The following EYS variants were observed in gnomAD, a reference collection of about 807,000 sequenced individuals.
EYS encodes the protein protein eyes shut homolog.
Under a neutral mutation model 282.1 loss-of-function variants are expected in EYS, and 250 were observed. That is an observed-to-expected ratio of 0.89 (90% CI 0.80 to 0.98). EYS has a LOEUF of 0.98. Ranked by LOEUF, EYS falls within the 50% of genes least tolerant of loss-of-function variation. EYS has a pLI of 0.00. For synonymous variants in EYS, 1,355 were observed against 1,282.9 expected (o/e 1.06, Z -1.20); for missense variants, 4,016 against 3,709.0 (o/e 1.08, Z -2.15).
At chr6:65,214,154 G>A (rs1766250315) in intron 12 of EYS, among the ~76,000 whole-genome samples, 1 of 69,514 alleles carries the variant, frequency 1.4e-5, no homozygotes, top group Non-Finnish European at 2.4e-5. Context: ...GCAAGACTCC[G>A]TCTCAAAAAA....
intron 33 of EYS, among the ~76,000 whole-genome samples, chr6:64,012,679 G>T (rs1320732234): frequency 1.3e-5 from 2 of 152,132 alleles, no homozygotes; most frequent in Admixed American, 1.3e-4. Flanking sequence ...TTAAGGAAAT[G>T]CTGTTTCCTA....
chr6:65,057,640 A>C lies in EYS; in HGVS notation c.2111T>G (p.Phe704Cys). ...TTTAAATGGAGGCACACACTGGCAGAAGTAATTACCAGGTTGGTCAATGCA... is the reference window on the plus strand; with the variant it reads ...TTTAAATGGAGGCACACACTGGCAGCAGTAATTACCAGGTTGGTCAATGCA... ...ATCIDQPGNY[F>C]CQCVPPFKVV... Residue 704 changes from phenylalanine (F) to cysteine (C), a missense_variant, in exon 13 of 43, where the codon TTC (phenylalanine) becomes TGC (cysteine). Physicochemically the swap from Phe to Cys is radical, Grantham distance 205. Transcript: ENST00000503581. 1 of 1,550,018 alleles carries C rather than the reference A, an allele frequency of 6.5e-7. No homozygotes were observed. Among genetic ancestry groups the C allele is most frequent in the Non-Finnish European group, 8.7e-7 (1 of 1,145,626 alleles).
At chr6:64,987,259 A>G (rs1001535096) in intron 14 of EYS, among the ~76,000 whole-genome samples, 1 of 151,486 alleles carries the variant, frequency 6.6e-6, no homozygotes, top group Admixed American at 6.6e-5. Context: ...CCATGCAGAT[A>G]AGCATTGGCT....
chr6:63,832,742 A>C (rs769676337), intron 36 of EYS, among the ~76,000 whole-genome samples: 6 of 152,184 alleles, frequency 3.9e-5, no homozygotes, highest in Non-Finnish European at 7.3e-5. Context: ...CTCATACCAA[A>C]GCCTGGCCGA....
intron 26 of EYS, among the ~76,000 whole-genome samples, chr6:64,465,499 A>AAGAATGAT (rs1775887496): frequency 6.6e-6 from 1 of 152,246 alleles, no homozygotes; most frequent in South Asian, 2.1e-4. Flanking sequence ...ATGTCAAGGA[A>AAGAATGAT]AGAATGATAT....
chr6:64,118,320 G>A (rs143411354), intron 31 of EYS, among the ~76,000 whole-genome samples: 2,936 of 152,098 alleles, frequency 0.019, 82 homozygotes, highest in African/African-American at 0.066. Context: ...AAACAACATG[G>A]CATTGACATA....
chr6:64,205,784 T>G (rs1166539965), intron 31 of EYS, among the ~76,000 whole-genome samples: 2 of 149,870 alleles, frequency 1.3e-5, no homozygotes, highest in African/African-American at 4.9e-5. Context: ...GTGGTATTTG[T>G]GAAAGGCTTT....
rs979702766 is a variant in EYS at position 65,629,478 on chromosome 6, C to T, written c.-333+10300G>A. Among the ~76,000 whole-genome samples, 37 of 152,152 alleles carry T rather than the reference C, an allele frequency of 2.4e-4. 1 individual carries two copies. The highest frequency in any genetic ancestry group is 7.0e-4 in the African/African-American group (29 of 41,432). On this transcript the variant is annotated intron_variant, in intron 2 of 42. Transcript: ENST00000503581. Reference sequence around the variant, plus strand: ...TAGGTAGGATATCTGAAGTTAGAATCATAAGACTTTTAAGAATCCTGAATT... The same window carrying T: ...TAGGTAGGATATCTGAAGTTAGAATTATAAGACTTTTAAGAATCCTGAATT...
chr6:65,225,783 A>C (rs962191320), intron 12 of EYS, among the ~76,000 whole-genome samples: 3 of 151,866 alleles, frequency 2.0e-5, no homozygotes, highest in Non-Finnish European at 4.4e-5. Flanking sequence ...AGACCAAAAA[A>C]CTACATGATC....
intron 5 of EYS, among the ~76,000 whole-genome samples, chr6:65,419,651 A>G (rs1767377185): frequency 6.6e-6 from 1 of 151,990 alleles, no homozygotes; most frequent in African/African-American, 2.4e-5. Context: ...TTTTAATAAT[A>G]TGTAATGTAC....
At chr6:65,617,313 T>C (rs770905952) in intron 2 of EYS, among the ~76,000 whole-genome samples, 2 of 152,142 alleles carry the variant, frequency 1.3e-5, no homozygotes, top group African/African-American at 4.8e-5. Context: ...ACTTAAAATA[T>C]CTAGTTTACT....
intron 1 of EYS, among the ~76,000 whole-genome samples, chr6:65,671,871 AC>A (rs1441767565): frequency 6.6e-6 from 1 of 152,110 alleles, no homozygotes; most frequent in African/African-American, 2.4e-5. Flanking sequence ...TTTGGAGGGA[AC>A]TAGCTAAGAG....
At chr6:64,760,621 G>A (rs923256516) in intron 22 of EYS, among the ~76,000 whole-genome samples, 1 of 152,202 alleles carries the variant, frequency 6.6e-6, no homozygotes, top group African/African-American at 2.4e-5. Context: ...GAGGGCCAAT[G>A]TGCCCTCCCA....
intron 35 of EYS, among the ~76,000 whole-genome samples, chr6:63,907,675 A>G (rs893231842): frequency 1.3e-5 from 2 of 152,060 alleles, no homozygotes; most frequent in Admixed American, 6.5e-5. Flanking sequence ...GTTTTGTTTC[A>G]TGAATAGTGG....
chr6:64,159,491 C>T (rs371581560), intron 31 of EYS, among the ~76,000 whole-genome samples: 11 of 133,038 alleles, frequency 8.3e-5, no homozygotes, highest in African/African-American at 2.0e-4. Flanking sequence ...ACCCGGGAGG[C>T]GGAGCTTGTA....
chr6:65,683,808 G>T (rs1582599308), intron 1 of EYS, among the ~76,000 whole-genome samples: 1 of 152,074 alleles, frequency 6.6e-6, no homozygotes. Context: ...TCAGCAGAAT[G>T]GCAGGCAACA....
intron 31 of EYS, among the ~76,000 whole-genome samples, chr6:64,174,852 G>A (rs918194250): frequency 6.6e-6 from 1 of 151,842 alleles, no homozygotes; most frequent in Non-Finnish European, 1.5e-5. Flanking sequence ...AAGAAAAAAT[G>A]GTAAAATATC....
chr6:65,238,433 G>A lies in EYS; in HGVS notation c.2023+57430C>T, dbSNP rs144035237. On this transcript the variant is annotated intron_variant, in intron 12 of 42. Coordinates refer to ENST00000503581, the MANE Select transcript of EYS (RefSeq NM_001142800.2). ...GTTATCTCATTTTGATCTCTGAAGC[G>A]CTGGGTTTGAATCCTAGGTTTGATT... is the stretch of plus-strand genomic sequence containing the variant. Among the ~76,000 whole-genome samples the A allele has an allele frequency of 5.8e-3, 873 of 151,682 alleles. 4 individuals carry two copies. Among genetic ancestry groups the A allele is most frequent in the Non-Finnish European group, 9.8e-3 (662 of 67,752 alleles).
At chr6:64,926,079 C>T (rs1384252441) in intron 15 of EYS, among the ~76,000 whole-genome samples, 2 of 152,150 alleles carry the variant, frequency 1.3e-5, no homozygotes, top group African/African-American at 2.4e-5. Context: ...CTGACTCTGG[C>T]AGAAACTTAG....
Sources: allele counts gnomAD v4.1 joint callset (sites outside exome capture counted in the v4.1 genomes callset), GRCh38; gene constraint gnomAD v4.1.1; transcripts MANE v1.5; gene names NCBI Gene and HGNC (gene_info 2026-07-23, HGNC 2026-07-21).